NPR1: variants seen among roughly 807,000 people sequenced by gnomAD.
The protein encoded by NPR1 is atrial natriuretic peptide receptor 1.
Under a neutral mutation model 116.9 loss-of-function variants are expected in NPR1, and 57 were observed. The observed-to-expected ratio is 0.49, with a 90% confidence interval of 0.39 to 0.61. NPR1 has a LOEUF of 0.61. Ranked by LOEUF, NPR1 falls within the 20% of genes least tolerant of loss-of-function variation. The probability of loss-of-function intolerance (pLI) is 0.00; values close to 1 mark genes in which losing one functional copy is unlikely to be tolerated. For missense variants in NPR1, 1,096 were observed against 1,409.8 expected (o/e 0.78, Z 3.56); for synonymous variants, 555 against 601.6 (o/e 0.92, Z 1.13).
intron 7 of NPR1, 28 bp from the exon 8 acceptor site, chr1:153,684,936 A>T: frequency 6.2e-7 from 1 of 1,612,704 alleles, no homozygotes; most frequent in Non-Finnish European, 8.5e-7. Flanking sequence ...GCTCAGCCAC[A>T]GGCTCAGATG....
At chr1:153,685,944 TG>T in intron 9 of NPR1, 64 bp downstream of exon 9, 1 of 1,507,660 alleles carries the variant, frequency 6.6e-7, no homozygotes, top group Non-Finnish European at 9.2e-7. Context: ...GATGGAGGAC[TG>T]GTGGGGGGTT....
Position 153,679,863 on chromosome 1 carries a change from G to C in NPR1, c.721+34G>C. 6.5e-7 allele frequency: 1 copy of C among 1,531,780 alleles called. No individual in the cohort carries two copies. 94.9% of individuals were successfully genotyped at this position (1,531,780 alleles called of 1,614,324 possible). On this transcript the variant is annotated intron_variant, in intron 1 of 21. Transcript: ENST00000368680. The surrounding 1 kb of genome is among the most constrained non-coding windows in gnomAD (Gnocchi z 4.2). ...CTGGCACACCCCGTCCCGCCGCTTA[G>C]CCGCAGGGCCTCCCCTCTGACCTGC...
chr1:153,686,977 A>G, intron 11 of NPR1, 39 bp from the exon 12 acceptor site: 1 of 1,602,488 alleles, frequency 6.2e-7, no homozygotes, highest in Non-Finnish European at 8.6e-7. Flanking sequence ...TCCCAGGGGG[A>G]TCTGCAGGGG....
chr1:153,680,869 T>C (rs950428059), intron 2 of NPR1, 169 bp downstream of exon 2: 38 of 656,688 alleles, frequency 5.8e-5, no homozygotes, highest in Non-Finnish European at 9.0e-5. Flanking sequence ...TGATGCTCAC[T>C]GGGAATTAGG....
Position 153,689,028 on chromosome 1 carries a change from G to A in NPR1, c.2493G>A (p.Val831=), listed in dbSNP as rs745450198. 1 of 1,614,190 alleles carries A rather than the reference G, an allele frequency of 6.2e-7. No homozygotes were observed. Among genetic ancestry groups the A allele is most frequent in the South Asian group, 1.1e-5 (1 of 91,084 alleles). The change falls in exon 16 of 22, where the codon GTG becomes GTA. Residue 831 remains valine (V), a synonymous_variant. Coordinates refer to ENST00000368680, the MANE Select transcript of NPR1 (RefSeq NM_000906.4). The surrounding 1 kb of genome is among the most constrained non-coding windows in gnomAD (Gnocchi z 5.1). ...EQYANNLEEL[V]EERTQAYLEE... ...ACGCGAACAATCTGGAGGAACTGGT[G>A]GAGGAGCGGACCCAGGCATACCTGG...
intron 8 of NPR1, 140 bp downstream of exon 8, chr1:153,685,224 T>G: frequency 8.5e-7 from 1 of 1,178,352 alleles, no homozygotes; most frequent in African/African-American, 1.5e-5. Context: ...CGACTCATAG[T>G]CCCTCTCCGA....
intron 20 of NPR1, among the ~76,000 whole-genome samples, chr1:153,691,724 C>A (rs1342382039): frequency 6.6e-6 from 1 of 151,906 alleles, no homozygotes; most frequent in East Asian, 1.9e-4. Context: ...TGGTGAACCT[C>A]CTGTCTCTAC....
In NPR1 at chr1:153,693,243, G is replaced by A. The variant is rs1406405049; in HGVS notation, c.3123+46G>A. 4.4e-6 allele frequency: 7 copies of A among 1,604,456 alleles called. 1 individual carries two copies. In the South Asian group the frequency reaches 6.6e-5, roughly 15 times the overall value. ...CCTCCCCACCTTTTGGGGTCCTAGA[G>A]GGAGTTACCCTTCTCAAGCAGCCAA... On this transcript the variant is annotated intron_variant, in intron 21 of 21. Coordinates refer to ENST00000368680, the MANE Select transcript of NPR1 (RefSeq NM_000906.4).
rs1050762487 is a variant in NPR1 at position 153,693,691 on chromosome 1, G to A, written c.*277G>A. 1.9e-5 allele frequency: 8 copies of A among 417,084 alleles called. No homozygotes were observed. Among genetic ancestry groups the A allele is most frequent in the East Asian group, 1.1e-4 (3 of 28,276 alleles). The allele number at this position is 417,084 out of a possible 1,614,324, so 25.8% of individuals were successfully genotyped here. The stretch of plus-strand genomic sequence containing the variant: ...CCTGCTCTCCACCTGGACTCAGGCC[G>A]GGCTGGGCTGTGGATTCCTGATCCC... On this transcript the variant is annotated 3_prime_UTR_variant, in exon 22 of 22. Transcript: ENST00000368680.
chr1:153,689,758 C>A lies in NPR1; in HGVS notation c.2758-48C>A. The A allele has an allele frequency of 6.8e-7, 1 of 1,466,622 alleles. No individual in the cohort carries two copies. Among genetic ancestry groups the A allele is most frequent in the Non-Finnish European group, 9.1e-7 (1 of 1,094,460 alleles). 90.9% of individuals were successfully genotyped at this position (1,466,622 alleles called of 1,614,324 possible). A position where few individuals can be genotyped will look rare whatever the true frequency, so the allele number is the denominator to read the frequency against. Reference sequence around the variant, plus strand: ...CACCCGGTGTGACGGTGTGGCCGGCCGCACAGTTGCAGCCGTCAAGTCCTG... The same window carrying A: ...CACCCGGTGTGACGGTGTGGCCGGCAGCACAGTTGCAGCCGTCAAGTCCTG... On this transcript the variant is annotated intron_variant, in intron 18 of 21. Coordinates refer to ENST00000368680, the MANE Select transcript of NPR1 (RefSeq NM_000906.4). The surrounding 1 kb of genome is among the most constrained non-coding windows in gnomAD (Gnocchi z 5.1).
chr1:153,687,617 C>T lies in NPR1; in HGVS notation c.2093-17C>T, dbSNP rs754034385. The T allele has an allele frequency of 3.2e-6, 5 of 1,563,570 alleles. No individual in the cohort carries two copies. The highest frequency in any genetic ancestry group is 2.4e-5 in the South Asian group (2 of 84,426). On this transcript the variant is annotated splice_polypyrimidine_tract_variant and intron_variant, in intron 13 of 21. Transcript: ENST00000368680. ...TTGGGCTCCCTCACTCGGTGACTAC[C>T]GACCTCTGACCCACAGAAAAGCTGT...
intron 4 of NPR1, 129 bp from the exon 5 acceptor site, chr1:153,682,369 T>G: frequency 1.5e-6 from 1 of 689,310 alleles, no homozygotes. Flanking sequence ...CGTTTTACCA[T>G]TTACTATCAT....
rs1291404806 is a variant in NPR1, at chr1:153,687,720, A to G, written c.2179A>G (p.Ile727Val). The G allele has an allele frequency of 6.2e-7, 1 of 1,608,534 alleles. No homozygotes were observed. ...SQAGDVYSFG[I>V]ILQEIALRSG... ...GGCTGGTGACGTATACAGCTTTGGGATCATCCTTCAGGAGATTGCCCTGAG... is the reference window on the plus strand; with the variant it reads ...GGCTGGTGACGTATACAGCTTTGGGGTCATCCTTCAGGAGATTGCCCTGAG... The change falls in exon 14 of 22, where the codon ATC (isoleucine) becomes GTC (valine). Residue 727 changes from isoleucine (I) to valine (V), a missense_variant. Coordinates refer to ENST00000368680, the MANE Select transcript of NPR1 (RefSeq NM_000906.4).
chr1:153,688,569 T>G (rs981748597), intron 15 of NPR1, among the ~76,000 whole-genome samples: 2 of 152,074 alleles, frequency 1.3e-5, no homozygotes, highest in Non-Finnish European at 2.9e-5. Flanking sequence ...CGGGAGCTCC[T>G]GCCCCACCCC....
Position 153,689,306 on chromosome 1 carries a change from A to T in NPR1, c.2683A>T (p.Met895Leu). 1 of 1,614,188 alleles carries T rather than the reference A, an allele frequency of 6.2e-7. No individual in the cohort carries two copies. Among genetic ancestry groups the T allele is most frequent in the Non-Finnish European group, 8.5e-7 (1 of 1,180,024 alleles). ...AGCGCTGTCGGCGGAGAGCACACCC[A>T]TGCAGGTAGGCCAGGGTTCAGCCAC... is the stretch of plus-strand genomic sequence containing the variant. ...FTALSAESTP[M>L]QVVTLLNDLY... is the part of the protein sequence containing the mutation. The change falls in exon 17 of 22, where the codon ATG becomes TTG. Residue 895 changes from methionine (M) to leucine (L), a missense_variant. Met to Leu is a conservative substitution (Grantham distance 15). Transcript: ENST00000368680. This position sits in a 1 kb window ranked among gnomAD's most constrained non-coding sequence, Gnocchi z 5.1.
chr1:153,690,072 C>G (rs1015318750), intron 19 of NPR1, 92 bp downstream of exon 19: 4 of 279,930 alleles, frequency 1.4e-5, no homozygotes, highest in African/African-American at 8.8e-5. Flanking sequence ...CCTTTCATCT[C>G]TCTCTCTCTC....
chr1:153,686,990 T>A, intron 11 of NPR1, 26 bp from the exon 12 acceptor site: 1 of 1,612,328 alleles, frequency 6.2e-7, no homozygotes, highest in South Asian at 1.1e-5. Context: ...TGCAGGGGAT[T>A]GGTCTGACTC....
In NPR1 at chr1:153,683,385, A is replaced by T; in HGVS notation, c.1273A>T (p.Asn425Tyr). Residue 425 changes from asparagine to tyrosine, a missense_variant, in exon 6 of 22, where the codon AAC (asparagine) becomes TAC (tyrosine). By Grantham distance (143) the Asn-to-Tyr change is moderately radical. Coordinates refer to ENST00000368680, the MANE Select transcript of NPR1 (RefSeq NM_000906.4). ...TCCTGCTCTCCCTTAGGTTGTACTG[A>T]ACTACAATGGGACTTCCCAAGAGCT... Reference protein sequence around the residue: ...PENGAFRVVLNYNGTSQELVA... With the variant: ...PENGAFRVVLYYNGTSQELVA... 1 of 1,614,090 alleles carries T rather than the reference A, an allele frequency of 6.2e-7. No individual in the cohort carries two copies. Among genetic ancestry groups the T allele is most frequent in the Non-Finnish European group, 8.5e-7 (1 of 1,179,988 alleles).
At position 153,679,754 on chromosome 1, in the gene NPR1, G is replaced by T; in HGVS notation, c.646G>T (p.Asp216Tyr). The T allele has an allele frequency of 6.3e-7, 1 of 1,587,654 alleles. No individual in the cohort carries two copies. The highest frequency in any genetic ancestry group is 8.5e-7 in the Non-Finnish European group (1 of 1,170,766). Residue 216 changes from aspartate to tyrosine, a missense_variant, in exon 1 of 22, where the codon GAC (aspartate) becomes TAC (tyrosine). Coordinates refer to ENST00000368680, the MANE Select transcript of NPR1 (RefSeq NM_000906.4). This position sits in a 1 kb window ranked among gnomAD's most constrained non-coding sequence, Gnocchi z 4.2. ...CCGCGACCGCCTCAATATTACGGTG[G>T]ACCACCTGGAGTTCGCCGAGGACGA... ...RVRDRLNITV[D>Y]HLEFAEDDLS...
Sources: gnomAD v4.1 joint callset for allele counts (sites outside exome capture counted in the v4.1 genomes callset) on GRCh38, gnomAD v4.1.1 for gene constraint, Gnocchi (gnomAD v3.1) non-coding constraint, MANE v1.5 for transcripts, NCBI Gene and HGNC (gene_info 2026-07-23, HGNC 2026-07-21) for gene names.